The following PRKCD variants were observed in gnomAD, a reference collection of about 807,000 sequenced individuals.
The protein encoded by PRKCD is protein kinase C delta type.
PRKCD carries 20 observed loss-of-function variants against 82.2 expected under a neutral mutation model. That is an observed-to-expected ratio of 0.24 (90% confidence interval 0.17 to 0.35). PRKCD has a LOEUF of 0.35. Ranked by LOEUF, PRKCD falls within the 10% of genes least tolerant of loss-of-function variation. The pLI, the probability that PRKCD is intolerant of heterozygous loss-of-function variation, is 1.00. For missense variants in PRKCD, 607 were observed against 899.0 expected, an observed-to-expected ratio of 0.68 and a Z score of 4.15; for synonymous variants, 317 against 337.0, an observed-to-expected ratio of 0.94 and a Z score of 0.65.
At chr3:53,188,921 G>A (rs1182183496) in intron 16 of PRKCD, 63 bp downstream of exon 16, 1 of 1,601,472 alleles carries the variant, frequency 6.2e-7, no homozygotes, top group Non-Finnish European at 8.5e-7. Context: ...CGGTGGGCCA[G>A]GGAAGGATTC....
At chr3:53,180,034 G>A (rs1242498642) in intron 4 of PRKCD, among the ~76,000 whole-genome samples, 1 of 152,192 alleles carries the variant, frequency 6.6e-6, no homozygotes, top group East Asian at 1.9e-4. Flanking sequence ...TACTAAATGT[G>A]CCTACCTCAG....
At chr3:53,172,704 G>T (rs886726052) in intron 2 of PRKCD, among the ~76,000 whole-genome samples, 4 of 152,172 alleles carry the variant, frequency 2.6e-5, no homozygotes, top group Admixed American at 2.0e-4. Flanking sequence ...ACCCACCAGG[G>T]GCTGCAACTG....
At chr3:53,173,433 G>A (rs948071397) in intron 2 of PRKCD, 13 of 152,236 alleles carry the variant, frequency 8.5e-5, no homozygotes, top group African/African-American at 3.1e-4. Flanking sequence ...ATTCCCTGGG[G>A]CTGGGATCCA....
At chr3:53,163,868 C>A (rs1553663447) in intron 1 of PRKCD, among the ~76,000 whole-genome samples, 1 of 152,138 alleles carries the variant, frequency 6.6e-6, no homozygotes, top group Non-Finnish European at 1.5e-5. Context: ...CATGACAGCC[C>A]CTCCCTCACC....
chr3:53,182,110 A>C (rs1703467185), intron 7 of PRKCD: 3 of 407,010 alleles, frequency 7.4e-6, no homozygotes, highest in Non-Finnish European at 1.5e-5. Context: ...GGTGTCTCTG[A>C]GTACACAGGT....
chr3:53,182,429 C>T (rs376566322), intron 7 of PRKCD, among the ~76,000 whole-genome samples: 6 of 152,134 alleles, frequency 3.9e-5, no homozygotes, highest in Middle Eastern at 3.4e-3. Context: ...CCACCATGCC[C>T]GGCTAATTTT....
intron 2 of PRKCD, chr3:53,173,622 C>G (rs1355002751): frequency 6.6e-6 from 1 of 152,214 alleles, no homozygotes; most frequent in Non-Finnish European, 1.5e-5. Flanking sequence ...GGTGGGATTA[C>G]AGGTGTCCGC....
chr3:53,173,099 T>G (rs1703094848), intron 2 of PRKCD, among the ~76,000 whole-genome samples: 1 of 152,222 alleles, frequency 6.6e-6, no homozygotes, highest in African/African-American at 2.4e-5. Context: ...AAGTTACATG[T>G]GATGCAGAAA....
Position 53,178,486 on chromosome 3 carries a change from G to A in PRKCD, c.64G>A (p.Glu22Lys), listed in dbSNP as rs1553666417. The A allele has an allele frequency of 3.1e-6, 5 of 1,613,090 alleles. No homozygotes were observed. The highest frequency in any genetic ancestry group is 1.3e-5 in the African/African-American group (1 of 74,932). Residue 22 changes from glutamate (E) to lysine (K), a missense_variant, in exon 3 of 19, where the codon GAG (glutamate) becomes AAG (lysine). By Grantham distance (56) the Glu-to-Lys change is moderately conservative (BLOSUM62 1). This residue lies in a region of PRKCD where 161 missense variants were observed against 227.0 expected (regional missense o/e 0.71). Coordinates refer to ENST00000330452, the MANE Select transcript of PRKCD (RefSeq NM_006254.4). ...GCTGGGCTCCCTGCAGGCCGAGGACGAGGCGAACCAGCCCTTCTGTGCCGT... is the reference window on the plus strand; with the variant it reads ...GCTGGGCTCCCTGCAGGCCGAGGACAAGGCGAACCAGCCCTTCTGTGCCGT... ...YELGSLQAED[E>K]ANQPFCAVKM...
chr3:53,164,744 A>G (rs747435928), intron 1 of PRKCD, among the ~76,000 whole-genome samples: 14 of 152,262 alleles, frequency 9.2e-5, no homozygotes, highest in Non-Finnish European at 1.8e-4. Context: ...GCACCAGGAC[A>G]TAAAGTGGTG....
At chr3:53,181,084 TG>T in intron 4 of PRKCD, 122 bp from the exon 5 acceptor site, 2 of 1,021,646 alleles carry the variant, frequency 2.0e-6, no homozygotes, top group African/African-American at 3.2e-5. Flanking sequence ...GACAAGTGTC[TG>T]GCTAGGCCTT....
chr3:53,190,093 C>G, intron 18 of PRKCD, 92 bp downstream of exon 18: 9 of 1,542,368 alleles, frequency 5.8e-6, no homozygotes, highest in South Asian at 2.3e-5. Context: ...TTCCACCTCT[C>G]CCTTCTTCCA....
At position 53,183,388 on chromosome 3, in the gene PRKCD, T is replaced by C. The variant is rs117801619; in HGVS notation, c.658-64T>C. On this transcript the variant is annotated intron_variant, in intron 8 of 18. Transcript: ENST00000330452. ...GTTGTGCCCAGGGTTGGGGGAGAGC[T>C]AGGGGTTGAAGAAGAGGCTGGAGCT... is the stretch of plus-strand genomic sequence containing the variant. 2.5e-4 allele frequency: 402 copies of C among 1,604,310 alleles called. 4 individuals are homozygous for C. In the East Asian group the frequency reaches 7.7e-3, roughly 31 times the overall value.
At position 53,192,480 on chromosome 3, in the gene PRKCD, C is replaced by G; in HGVS notation, c.*214C>G. 4.2e-6 allele frequency: 2 copies of G among 479,276 alleles called. 1 individual carries two copies. Among genetic ancestry groups the G allele is most frequent in the South Asian group, 7.0e-5 (2 of 28,672 alleles). The allele number at this position is 479,276 out of a possible 1,614,324, so 29.7% of individuals were successfully genotyped here. On this transcript the variant is annotated 3_prime_UTR_variant, in exon 19 of 19. Transcript: ENST00000330452. ...CTGCCTTCGGAGGGAAATTGTAAAT[C>G]CTGTGTTTCATTACTTGAATGTAGT...
At chr3:53,178,323 G>A (rs1256747957) in intron 2 of PRKCD, 81 bp from the exon 3 acceptor site, 2 of 804,596 alleles carry the variant, frequency 2.5e-6, no homozygotes, top group Non-Finnish European at 4.0e-6. Flanking sequence ...GAGCCCTGGG[G>A]GAGCGGGTCC....
intron 4 of PRKCD, among the ~76,000 whole-genome samples, chr3:53,180,733 G>A (rs1553667228): frequency 1.3e-5 from 2 of 152,166 alleles, no homozygotes; most frequent in Non-Finnish European, 1.5e-5. Context: ...GAGGTGAGGG[G>A]ATAGAGGCTC....
Position 53,186,151 on chromosome 3 carries a change from C to G in PRKCD, c.1087-16C>G, listed in dbSNP as rs782197980. 2.5e-6 allele frequency: 4 copies of G among 1,612,166 alleles called. No individual in the cohort carries two copies. The highest frequency in any genetic ancestry group is 3.4e-6 in the Non-Finnish European group (4 of 1,179,080). On this transcript the variant is annotated splice_polypyrimidine_tract_variant and intron_variant, in intron 12 of 18. Coordinates refer to ENST00000330452, the MANE Select transcript of PRKCD (RefSeq NM_006254.4). ...GCCCCGTCCTCACCTGCTCAGCACCCGTGTCTCCCCATCAGGTGCTGCTTG... is the reference window on the plus strand; with the variant it reads ...GCCCCGTCCTCACCTGCTCAGCACCGGTGTCTCCCCATCAGGTGCTGCTTG...
At chr3:53,179,882 C>A in intron 4 of PRKCD, 106 bp downstream of exon 4, 2 of 1,394,386 alleles carry the variant, frequency 1.4e-6, no homozygotes, top group Non-Finnish European at 1.9e-6. Context: ...TCAGTGAGCA[C>A]AGCTGAAGAG....
chr3:53,178,302 C>T (rs1553666309), intron 2 of PRKCD, 102 bp from the exon 3 acceptor site: 2 of 673,482 alleles, frequency 3.0e-6, no homozygotes, highest in Non-Finnish European at 2.5e-6. Context: ...GGGCCAAACC[C>T]AATCATAGCA....
Sources: allele counts gnomAD v4.1 joint callset (sites outside exome capture counted in the v4.1 genomes callset), GRCh38; gene constraint gnomAD v4.1.1; regional missense constraint gnomAD v4.1.1; transcripts MANE v1.5; gene names NCBI Gene and HGNC (gene_info 2026-07-23, HGNC 2026-07-21).